MCF2L2: variants seen among roughly 807,000 people sequenced by gnomAD.
The protein encoded by MCF2L2 is MCF.2 cell line derived transforming sequence-like 2.
MCF2L2 carries 102 observed loss-of-function variants against 150.2 expected under a neutral mutation model. That is an observed-to-expected ratio of 0.68 (90% CI 0.58 to 0.80). The LOEUF (loss-of-function observed/expected upper bound fraction) is 0.80. MCF2L2 is among the 30% of genes least tolerant of loss of function. The pLI, the probability that MCF2L2 is intolerant of heterozygous loss-of-function variation, is 0.00. For synonymous variants in MCF2L2, 465 were observed against 491.3 expected (o/e 0.95, Z 0.71); for missense variants, 1,256 against 1,372.8 (o/e 0.91, Z 1.34).
chr3:183,223,275 T>TA (rs1723209562), intron 20 of MCF2L2, 71 bp downstream of exon 20: 2 of 1,154,234 alleles, frequency 1.7e-6, no homozygotes, highest in South Asian at 2.5e-5. Flanking sequence ...TCTACATGTG[T>TA]AACGACATGG....
intron 1 of MCF2L2, among the ~76,000 whole-genome samples, chr3:183,399,399 G>C (rs1267003499): frequency 1.3e-5 from 2 of 152,028 alleles, no homozygotes; most frequent in East Asian, 1.9e-4. Flanking sequence ...GTGATCCAAA[G>C]GGAATAAATG....
rs1480260087 is a variant in MCF2L2 at position 183,227,864 on chromosome 3, T to C, written c.2115+433A>G. 6.2e-6 allele frequency: 1 copy of C among 161,194 alleles called. No homozygotes were observed. Among genetic ancestry groups the C allele is most frequent in the East Asian group, 1.7e-4 (1 of 5,718 alleles). 10.0% of individuals were successfully genotyped at this position (161,194 alleles called of 1,614,324 possible). The stretch of plus-strand genomic sequence containing the variant: ...TGTACAGTACAGTATTATTCCATGA[T>C]AGTCGCCATGCTGTGCGTTACATCT... On this transcript the variant is annotated intron_variant, in intron 18 of 29. Transcript: ENST00000328913. This position sits in a 1 kb window ranked among gnomAD's most constrained non-coding sequence, Gnocchi z 4.0.
At chr3:183,414,823 A>G (rs1313890044) in intron 1 of MCF2L2, among the ~76,000 whole-genome samples, 2 of 152,148 alleles carry the variant, frequency 1.3e-5, no homozygotes, top group Non-Finnish European at 2.9e-5. Flanking sequence ...CTTTATATGC[A>G]TGCTATTTAA....
intron 2 of MCF2L2, among the ~76,000 whole-genome samples, chr3:183,380,242 C>T (rs972343679): frequency 2.6e-5 from 4 of 152,196 alleles, no homozygotes; most frequent in African/African-American, 7.2e-5. Context: ...TCTAGCCCCA[C>T]AGTCCCCAAA....
At position 183,228,364 on chromosome 3, in the gene MCF2L2, G is replaced by T. The variant is rs1293369547; in HGVS notation, c.2048C>A (p.Thr683Asn). The change falls in exon 18 of 30, where the codon ACT (threonine) becomes AAT (asparagine). Residue 683 changes from threonine to asparagine, a missense_variant and splice_region_variant. Coordinates refer to ENST00000328913, the MANE Select transcript of MCF2L2 (RefSeq NM_015078.4). ...ACACTTTTCCAACTCTTTTAGAAAA[G>T]TCCTAGAAAAATAAAAGTATACAAG... is the stretch of plus-strand genomic sequence containing the variant. ...IRELYEFHNR[T>N]FLKELEKCAE... 2.5e-6 allele frequency: 4 copies of T among 1,607,952 alleles called. No individual in the cohort carries two copies. The African/African-American group carries it at 5.4e-5, about 22-fold the overall frequency.
intron 27 of MCF2L2, chr3:183,182,750 ACTCAGAATT>A (rs1411601561): frequency 6.6e-6 from 1 of 152,162 alleles, no homozygotes; most frequent in Non-Finnish European, 1.5e-5. Flanking sequence ...CCTGGAAGAA[ACTCAGAATT>A]CTCAGAACCA....
At chr3:183,242,411 C>G (rs1050340054) in intron 15 of MCF2L2, among the ~76,000 whole-genome samples, 1 of 152,212 alleles carries the variant, frequency 6.6e-6, no homozygotes, top group Non-Finnish European at 1.5e-5. Context: ...GTGGGCCCAG[C>G]CCGGGGACCC....
chr3:183,252,086 TG>T (rs1188328397), intron 15 of MCF2L2, among the ~76,000 whole-genome samples: 1 of 151,310 alleles, frequency 6.6e-6, no homozygotes, highest in African/African-American at 2.4e-5. Context: ...TACAGTTCTA[TG>T]TGCTCATGTA....
chr3:183,224,471 T>C (rs1723271544), intron 18 of MCF2L2: 1 of 294,974 alleles, frequency 3.4e-6, no homozygotes, highest in African/African-American at 2.1e-5. Flanking sequence ...AAACAGGAAT[T>C]GGTTTTTATC....
chr3:183,290,749 G>A (rs1189146324), intron 13 of MCF2L2, among the ~76,000 whole-genome samples: 3 of 152,110 alleles, frequency 2.0e-5, no homozygotes, highest in Non-Finnish European at 4.4e-5. Flanking sequence ...GGACAGGATG[G>A]TCTTACTCTC....
chr3:183,332,441 TC>T (rs1262990687), intron 5 of MCF2L2, among the ~76,000 whole-genome samples: 2 of 152,032 alleles, frequency 1.3e-5, no homozygotes, highest in African/African-American at 4.8e-5. Context: ...AGTCAGAATA[TC>T]GAGATAAAGT....
chr3:183,365,633 TA>T (rs1712475936), intron 3 of MCF2L2, among the ~76,000 whole-genome samples: 1 of 145,628 alleles, frequency 6.9e-6, no homozygotes, highest in Non-Finnish European at 1.5e-5. Flanking sequence ...GAGCTGACAG[TA>T]AAAATAGAAA....
At chr3:183,415,294 C>G (rs2108626799) in intron 1 of MCF2L2, among the ~76,000 whole-genome samples, 1 of 152,140 alleles carries the variant, frequency 6.6e-6, no homozygotes, top group Middle Eastern at 3.4e-3. Context: ...TCAACCGATT[C>G]TCCTGCCTCA....
intron 15 of MCF2L2, among the ~76,000 whole-genome samples, chr3:183,233,220 C>T (rs905491985): frequency 6.6e-6 from 1 of 151,814 alleles, no homozygotes; most frequent in Non-Finnish European, 1.5e-5. Context: ...GGTGTGGTAG[C>T]GCATGCTTGT....
At position 183,389,741 on chromosome 3, in the gene MCF2L2, C is replaced by T. The variant is rs765831772; in HGVS notation, c.115G>A (p.Val39Met). The T allele has an allele frequency of 6.8e-6, 11 of 1,614,050 alleles. No individual in the cohort carries two copies. The highest frequency in any genetic ancestry group is 3.3e-4 in the Middle Eastern group (2 of 6,084). ...CTGTGAAGTTGTTCTATTATCTCCA[C>T]CGCCATCAGGGGTCTGACTTCCTGC... ...MQQEVRPLMA[V>M]EIIEQLHRQF... The change falls in exon 2 of 30, where the codon GTG becomes ATG. Residue 39 changes from valine to methionine, a missense_variant. Transcript: ENST00000328913.
intron 2 of MCF2L2, among the ~76,000 whole-genome samples, chr3:183,380,391 G>A (rs1474373300): frequency 6.6e-6 from 1 of 152,138 alleles, no homozygotes; most frequent in East Asian, 1.9e-4. Context: ...ACTACTTGAG[G>A]TAGTTCCCTA....
At chr3:183,342,256 AT>A (rs1325040484) in intron 3 of MCF2L2, among the ~76,000 whole-genome samples, 8 of 152,110 alleles carry the variant, frequency 5.3e-5, no homozygotes, top group Non-Finnish European at 1.0e-4. Flanking sequence ...AAGTGAAAAC[AT>A]TTTTTTTCTC....
At chr3:183,412,499 A>G (rs1006166427) in intron 1 of MCF2L2, among the ~76,000 whole-genome samples, 1 of 151,950 alleles carries the variant, frequency 6.6e-6, no homozygotes, top group African/African-American at 2.4e-5. Flanking sequence ...GGGTTTCACC[A>G]TGTTGGCCAA....
At chr3:183,381,156 G>A (rs909333294) in intron 2 of MCF2L2, among the ~76,000 whole-genome samples, 2 of 152,204 alleles carry the variant, frequency 1.3e-5, no homozygotes, top group South Asian at 4.1e-4. Flanking sequence ...ACCACTTGAA[G>A]AGGAATCATG....
Sources: allele counts gnomAD v4.1 joint callset (sites outside exome capture counted in the v4.1 genomes callset), GRCh38; gene constraint gnomAD v4.1.1; non-coding constraint Gnocchi (gnomAD v3.1); transcripts MANE v1.5; gene names NCBI Gene and HGNC (gene_info 2026-07-23, HGNC 2026-07-21).